The following SLC6A16 variants were observed in gnomAD, a reference collection of about 807,000 sequenced individuals.
SLC6A16 encodes the protein orphan sodium- and chloride-dependent neurotransmitter transporter NTT5.
In SLC6A16, 54 loss-of-function variants were observed where a neutral mutation model predicts 65.4. The ratio of observed to expected loss-of-function variants is 0.83; its 90% CI spans 0.66 to 1.04. SLC6A16 has a LOEUF of 1.04. Among genes scored for constraint, SLC6A16 ranks in the 50% least tolerant of loss-of-function variants. The probability of loss-of-function intolerance (pLI) is 0.00; values close to 1 mark genes in which losing one functional copy is unlikely to be tolerated. For missense variants in SLC6A16, 816 were observed against 914.0 expected (o/e 0.89, Z 1.38); for synonymous variants, 330 against 346.5 (o/e 0.95, Z 0.53).
chr19:49,293,859 G>A lies in SLC6A16; in HGVS notation c.1586C>T (p.Ser529Phe). The A allele has an allele frequency of 1.2e-6, 2 of 1,614,084 alleles. No individual in the cohort carries two copies. Among genetic ancestry groups the A allele is most frequent in the African/African-American group, 2.7e-5 (2 of 75,018 alleles). Residue 529 changes from serine to phenylalanine, a missense_variant, in exon 9 of 12, where the codon TCT (serine) becomes TTT (phenylalanine). Physicochemically the swap from Ser to Phe is radical, Grantham distance 155. Coordinates refer to ENST00000335875, the MANE Select transcript of SLC6A16 (RefSeq NM_014037.3). ...CAGCTTTGTATGTTTCCTGAAGAAAGAGAAGGTGTCCTGGAGTGGAGTAAT... is the reference window on the plus strand; with the variant it reads ...CAGCTTTGTATGTTTCCTGAAGAAAAAGAAGGTGTCCTGGAGTGGAGTAAT... ...GIITPLQDTF[S>F]FFRKHTKLLI...
At chr19:49,338,158 C>G in the SLC6A16 span, 3 of 1,459,188 alleles carry the variant, frequency 2.1e-6, no homozygotes, top group Non-Finnish European at 2.7e-6. This position sits in a 1 kb window ranked among gnomAD's most constrained non-coding sequence, Gnocchi z 5.0. Context: ...CCTCCCAGGC[C>G]CGACGCTCCC....
In SLC6A16 at chr19:49,309,003, T is replaced by G; in HGVS notation, c.1102A>C (p.Asn368His). Residue 368 changes from asparagine to histidine, a missense_variant, in exon 7 of 12, where the codon AAC becomes CAC. Coordinates refer to ENST00000335875, the MANE Select transcript of SLC6A16 (RefSeq NM_014037.3). The stretch of plus-strand genomic sequence containing the variant: ...AGAAAGGCATCACTGAGACAGTTGT[T>G]GGACTGGGGCATGTAGGAGGCTAAG... ...ASLASYMPQSNNCLSDAFLVS... is the reference protein window; with the variant it reads ...ASLASYMPQSHNCLSDAFLVS... The G allele has an allele frequency of 1.9e-6, 3 of 1,614,168 alleles. No individual in the cohort carries two copies. Among genetic ancestry groups the G allele is most frequent in the Non-Finnish European group, 2.5e-6 (3 of 1,180,038 alleles).
chr19:49,291,746 T>A (rs1444111507), intron 10 of SLC6A16, among the ~76,000 whole-genome samples: 1 of 151,940 alleles, frequency 6.6e-6, no homozygotes, highest in Non-Finnish European at 1.5e-5. Context: ...ATTCTCAATC[T>A]CAATAAATAT....
the SLC6A16 span, among the ~76,000 whole-genome samples, chr19:49,334,036 C>G: frequency 6.8e-6 from 1 of 148,028 alleles, no homozygotes; most frequent in Admixed American, 6.6e-5. Context: ...GCCCAGCGCC[C>G]TCCCCACTCC....
intron 1 of SLC6A16, among the ~76,000 whole-genome samples, chr19:49,322,438 C>T (rs1970727100): frequency 6.6e-6 from 1 of 151,892 alleles, no homozygotes; most frequent in Non-Finnish European, 1.5e-5. Flanking sequence ...GTCAGGAGTT[C>T]GAGACCAGCC....
the SLC6A16 span, chr19:49,335,471 T>A: frequency 3.7e-6 from 4 of 1,071,382 alleles, no homozygotes; most frequent in Non-Finnish European, 5.8e-6. The surrounding 1 kb of genome is among the most constrained non-coding windows in gnomAD (Gnocchi z 4.6). Flanking sequence ...CCTCTTTCTT[T>A]CTCCCTGTCT....
chr19:49,293,733 C>T, intron 9 of SLC6A16, 94 bp downstream of exon 9: 1 of 1,127,984 alleles, frequency 8.9e-7, no homozygotes, highest in Non-Finnish European at 1.3e-6. Context: ...CACTGCACTC[C>T]AGCCTGGGCT....
chr19:49,293,050 C>T (rs906719849), intron 10 of SLC6A16, 173 bp downstream of exon 10: 10 of 580,918 alleles, frequency 1.7e-5, no homozygotes, highest in Non-Finnish European at 3.0e-5. Context: ...GGCACATATT[C>T]AGCACCCAAA....
At chr19:49,325,194 C>G (rs1465841465), upstream of SLC6A16, 15 of 985,430 alleles carry the variant, frequency 1.5e-5, no homozygotes, top group East Asian at 1.7e-3. Flanking sequence ...CTCGATCTGC[C>G]TGGCGCGCGG....
Position 49,293,885 on chromosome 19 carries a change from G to A in SLC6A16, c.1560C>T (p.Ile520=), listed in dbSNP as rs770917228. ...AGAAGGTGTCCTGGAGTGGAGTAAT[G>A]ATGCCCTGCATAATCCCTATTGCGC... The part of the protein sequence containing the change: ...LSSAIGIMQG[I]ITPLQDTFSF... Residue 520 remains isoleucine, a synonymous_variant, in exon 9 of 12, where the codon ATC becomes ATT. Transcript: ENST00000335875. The A allele has an allele frequency of 6.2e-6, 10 of 1,614,102 alleles. No homozygotes were observed. Among genetic ancestry groups the A allele is most frequent in the Non-Finnish European group, 8.5e-6 (10 of 1,180,038 alleles).
chr19:49,303,347 A>C (rs1404741945), intron 7 of SLC6A16, among the ~76,000 whole-genome samples: 2 of 152,158 alleles, frequency 1.3e-5, no homozygotes, highest in Non-Finnish European at 2.9e-5. Flanking sequence ...GACAACCAAG[A>C]ATACTTTAAA....
intron 1 of SLC6A16, among the ~76,000 whole-genome samples, chr19:49,312,102 C>G (rs1307792914): frequency 6.6e-6 from 1 of 151,890 alleles, no homozygotes; most frequent in African/African-American, 2.4e-5. Flanking sequence ...AGTGATCCGC[C>G]CACCTCAGCC....
Position 49,325,094 on chromosome 19 carries a change from C to T in SLC6A16, c.-111G>A, listed in dbSNP as rs1970777966. On this transcript the variant is annotated 5_prime_UTR_variant, in exon 1 of 12. Transcript: ENST00000335875. Reference sequence around the variant, plus strand: ...AGGTTCTTCAGTCCAGCCAGTCGGACAAAAATGAGGGTGAAGAAGCCCCAG... The same window carrying T: ...AGGTTCTTCAGTCCAGCCAGTCGGATAAAAATGAGGGTGAAGAAGCCCCAG... 1.0e-6 allele frequency: 1 copy of T among 985,604 alleles called. No homozygotes were observed. Among genetic ancestry groups the T allele is most frequent in the South Asian group, 4.7e-5 (1 of 21,290 alleles). 61.1% of individuals were successfully genotyped at this position (985,604 alleles called of 1,614,324 possible).
the SLC6A16 span, among the ~76,000 whole-genome samples, chr19:49,331,071 C>T: frequency 1.3e-5 from 2 of 152,146 alleles, no homozygotes; most frequent in African/African-American, 2.4e-5. Flanking sequence ...AATATATTAT[C>T]TCACAGTTCT....
chr19:49,289,886 G>A lies in SLC6A16; in HGVS notation c.*237C>T. The stretch of plus-strand genomic sequence containing the variant: ...ATCACTAGTATTGTATATGTGTTGT[G>A]CATGTATGTGTGTTGAGGAAGAGGA... On this transcript the variant is annotated 3_prime_UTR_variant, in exon 12 of 12. Coordinates refer to ENST00000335875, the MANE Select transcript of SLC6A16 (RefSeq NM_014037.3). The A allele has an allele frequency of 1.8e-6, 1 of 563,218 alleles. No homozygotes were observed. The highest frequency in any genetic ancestry group is 3.2e-6 in the Non-Finnish European group (1 of 315,488). 34.9% of individuals were successfully genotyped at this position (563,218 alleles called of 1,614,324 possible). A position where few individuals can be genotyped will look rare whatever the true frequency, so the allele number is the denominator to read the frequency against.
At chr19:49,335,745 T>C in the SLC6A16 span, 1 of 1,613,900 alleles carries the variant, frequency 6.2e-7, no homozygotes, top group South Asian at 1.1e-5. The surrounding 1 kb of genome is among the most constrained non-coding windows in gnomAD (Gnocchi z 4.6). Context: ...TGCTTCGGCA[T>C]CTGGATCCTC....
chr19:49,304,231 C>T (rs978622578), intron 7 of SLC6A16, among the ~76,000 whole-genome samples: 27 of 152,154 alleles, frequency 1.8e-4, no homozygotes, highest in Non-Finnish European at 1.9e-4. Context: ...CAAATTGAGT[C>T]AAGGAAGGCC....
At chr19:49,317,242 G>A (rs1970627939) in intron 1 of SLC6A16, among the ~76,000 whole-genome samples, 1 of 152,044 alleles carries the variant, frequency 6.6e-6, no homozygotes, top group Non-Finnish European at 1.5e-5. Context: ...TCGGAAGGCT[G>A]AGGTGAGATA....
At chr19:49,325,321 C>T, upstream of SLC6A16, 16 of 803,350 alleles carry the variant, frequency 2.0e-5, no homozygotes, top group Non-Finnish European at 2.4e-5. Flanking sequence ...TCCCCACACG[C>T]ACGCACGTGT....
Sources: allele counts gnomAD v4.1 joint callset (sites outside exome capture counted in the v4.1 genomes callset), GRCh38; gene constraint gnomAD v4.1.1; non-coding constraint Gnocchi (gnomAD v3.1); transcripts MANE v1.5; gene names NCBI Gene and HGNC (gene_info 2026-07-23, HGNC 2026-07-21).